Variants in NRG1 observed in about 807,000 individuals in gnomAD.
The protein encoded by NRG1 is pro-neuregulin-1, membrane-bound isoform.
In NRG1, 18 loss-of-function variants were observed where a neutral mutation model predicts 63.8. That is an observed-to-expected ratio of 0.28 (90% CI 0.19 to 0.42). NRG1 has a LOEUF of 0.42. Ranked by LOEUF, NRG1 falls within the 10% of genes least tolerant of loss-of-function variation. NRG1 has a pLI of 1.00. For missense variants in NRG1, 762 were observed against 814.7 expected, an observed-to-expected ratio of 0.94 and a Z score of 0.79; for synonymous variants, 302 against 301.3, an observed-to-expected ratio of 1.00 and a Z score of -0.02.
chr8:31,648,259 G>A (rs925016722), intron 1 of NRG1, among the ~76,000 whole-genome samples: 9 of 146,612 alleles, frequency 6.1e-5, no homozygotes, highest in Admixed American at 2.1e-4. Context: ...TCAGCCTCCC[G>A]TGTAGCTGGG....
chr8:32,633,118 A>G (rs1850649685), intron 5 of NRG1, among the ~76,000 whole-genome samples: 1 of 152,210 alleles, frequency 6.6e-6, no homozygotes. Flanking sequence ...AATTCAGGAA[A>G]TCTGACTAAC....
At chr8:32,289,053 A>G (rs1853882457) in intron 1 of NRG1, among the ~76,000 whole-genome samples, 1 of 152,182 alleles carries the variant, frequency 6.6e-6, no homozygotes, top group Non-Finnish European at 1.5e-5. Flanking sequence ...CTGAATTACA[A>G]ACAGAAGGAG....
chr8:32,651,719 AT>A (rs1171762976), intron 5 of NRG1, among the ~76,000 whole-genome samples: 5 of 152,140 alleles, frequency 3.3e-5, no homozygotes, highest in Non-Finnish European at 7.4e-5. Flanking sequence ...ATCAGTAACC[AT>A]TTGCAAAAGA....
intron 1 of NRG1, among the ~76,000 whole-genome samples, chr8:31,641,148 A>C (rs1803735138): frequency 1.3e-5 from 2 of 152,018 alleles, no homozygotes; most frequent in Non-Finnish European, 2.9e-5. Context: ...TGGAGTCCAG[A>C]GTGTGGAGAT....
chr8:31,694,569 T>A (rs1163624011), intron 1 of NRG1, among the ~76,000 whole-genome samples: 5 of 152,044 alleles, frequency 3.3e-5, no homozygotes, highest in Non-Finnish European at 1.5e-5. Flanking sequence ...GAGGAGGCAA[T>A]CATTCTGTAA....
intron 1 of NRG1, among the ~76,000 whole-genome samples, chr8:32,133,172 C>T (rs1326090568): frequency 1.3e-5 from 2 of 152,072 alleles, no homozygotes; most frequent in Non-Finnish European, 2.9e-5. Context: ...GCTCCCAGTT[C>T]TATGCACATG....
chr8:32,436,536 A>T (rs981215122), intron 1 of NRG1, among the ~76,000 whole-genome samples: 3 of 152,184 alleles, frequency 2.0e-5, no homozygotes, highest in African/African-American at 7.2e-5. Flanking sequence ...GAATCTTCAG[A>T]TTCAGATTTA....
At chr8:31,873,064 T>A (rs1208687244) in intron 1 of NRG1, among the ~76,000 whole-genome samples, 2 of 152,206 alleles carry the variant, frequency 1.3e-5, no homozygotes, top group Middle Eastern at 6.3e-3. Context: ...ACATACTTCT[T>A]ATTAATCCTA....
chr8:31,983,552 T>A (rs567492613), intron 1 of NRG1, among the ~76,000 whole-genome samples: 5 of 152,146 alleles, frequency 3.3e-5, no homozygotes, highest in Admixed American at 1.3e-4. Context: ...TCTATTTTTT[T>A]AAATTTTTTT....
chr8:32,642,687 A>G (rs2129545983), intron 5 of NRG1, among the ~76,000 whole-genome samples: 1 of 152,282 alleles, frequency 6.6e-6, no homozygotes, highest in South Asian at 2.1e-4. Context: ...TGCTGCCATC[A>G]TTTTTATTTT....
intron 1 of NRG1, among the ~76,000 whole-genome samples, chr8:32,381,658 TAAC>T (rs1810373494): frequency 1.3e-5 from 2 of 152,182 alleles, no homozygotes; most frequent in Admixed American, 6.5e-5. Flanking sequence ...ACTTCTGAGT[TAAC>T]AATATTAAGA....
chr8:31,723,935 A>G (rs757288652), intron 1 of NRG1, among the ~76,000 whole-genome samples: 1 of 152,114 alleles, frequency 6.6e-6, no homozygotes, highest in Non-Finnish European at 1.5e-5. Flanking sequence ...GATTTCCCCA[A>G]ACGTTCTTAG....
At chr8:32,167,795 C>T (rs573620261) in intron 1 of NRG1, among the ~76,000 whole-genome samples, 6 of 152,288 alleles carry the variant, frequency 3.9e-5, no homozygotes, top group South Asian at 2.1e-4. Flanking sequence ...AATTGGGCAG[C>T]GAAACAGAAT....
chr8:32,358,028 T>A (rs1806686315), intron 1 of NRG1, among the ~76,000 whole-genome samples: 1 of 152,166 alleles, frequency 6.6e-6, no homozygotes, highest in Non-Finnish European at 1.5e-5. Context: ...CTAAGTTCTG[T>A]CCAATAAGAT....
intron 1 of NRG1, among the ~76,000 whole-genome samples, chr8:31,766,283 C>T (rs1275605242): frequency 6.6e-6 from 1 of 152,156 alleles, no homozygotes; most frequent in Admixed American, 6.5e-5. Flanking sequence ...TAAAAAAGAT[C>T]CCCTGAGTTG....
chr8:31,747,124 G>A (rs1815959047), intron 1 of NRG1, among the ~76,000 whole-genome samples: 1 of 151,890 alleles, frequency 6.6e-6, no homozygotes, highest in Non-Finnish European at 1.5e-5. Context: ...GGAGACTATA[G>A]TCAATAATAA....
Position 31,807,975 on chromosome 8 carries a change from G to GTGTA in NRG1, c.37+168545_37+168546insGTAT, listed in dbSNP as rs1554538758. The stretch of plus-strand genomic sequence containing the variant: ...TGTGTGTGTGTGTGTGTGTGTGTGT[G>GTGTA]TATCACATTTTCTTTATTCATCTGT... On this transcript the variant is annotated intron_variant, in intron 1 of 10. Coordinates refer to the NRG1 transcript ENST00000519301. 3.8e-3 allele frequency among the ~76,000 whole-genome samples: 548 copies of GTGTA among 143,958 alleles called. 1 individual carries two copies. Among genetic ancestry groups the GTGTA allele is most frequent in the Middle Eastern group, 0.022 (6 of 278 alleles). The allele number at this position is 143,958 out of a possible 152,430, so 94.4% of individuals were successfully genotyped here. A position where few individuals can be genotyped will look rare whatever the true frequency, so the allele number is the denominator to read the frequency against.
chr8:32,215,396 C>T (rs952833630), intron 1 of NRG1, among the ~76,000 whole-genome samples: 2 of 152,172 alleles, frequency 1.3e-5, no homozygotes, highest in African/African-American at 2.4e-5. Context: ...CTGTTAACAC[C>T]TCTGCAGCAG....
intron 1 of NRG1, among the ~76,000 whole-genome samples, chr8:31,809,007 A>G (rs1338342339): frequency 6.6e-6 from 1 of 152,032 alleles, no homozygotes. Context: ...TTGCTCTTAC[A>G]TTTGGTTAAT....
Sources: allele counts gnomAD v4.1 joint callset (sites outside exome capture counted in the v4.1 genomes callset), GRCh38; gene constraint gnomAD v4.1.1; transcripts MANE v1.5; gene names NCBI Gene and HGNC (gene_info 2026-07-23, HGNC 2026-07-21).